EAF2: variants seen among roughly 807,000 people sequenced by gnomAD.
The protein encoded by EAF2 is ELL associated factor 2, also known as ELL-associated factor 2.
A neutral mutation model predicts 29.4 loss-of-function variants in EAF2; 29 were observed. The ratio of observed to expected loss-of-function variants is 0.99; its 90% CI spans 0.73 to 1.35. The LOEUF is 1.35. Among genes scored for constraint, EAF2 ranks in the 40% most tolerant of loss-of-function variants. The pLI is 0.00. For synonymous variants in EAF2, 103 were observed against 102.5 expected (o/e 1.00, Z -0.03); for missense variants, 292 against 312.0 (o/e 0.94, Z 0.48).
chr3:121,839,150 ATTG>A (rs1288680827), intron 1 of EAF2, among the ~76,000 whole-genome samples: 1 of 152,216 alleles, frequency 6.6e-6, no homozygotes, highest in Non-Finnish European at 1.5e-5. Context: ...GGTCCACACC[ATTG>A]TTGTTTTATC....
chr3:121,872,661 A>G lies in EAF2; in HGVS notation c.609A>G (p.Lys203=). The change falls in exon 5 of 6, where the codon AAA becomes AAG. Residue 203 remains lysine (K), a synonymous_variant. Coordinates refer to ENST00000273668, the MANE Select transcript of EAF2 (RefSeq NM_018456.6). ...GTGACTCAGAAGATGAAGATTGCAA[A>G]TCCTCTACTTCTGATACAGGGAATT... The part of the protein sequence containing the change: ...SSSDSEDEDC[K]SSTSDTGNCV... The G allele has an allele frequency of 6.2e-7, 1 of 1,613,000 alleles. No individual in the cohort carries two copies. Among genetic ancestry groups the G allele is most frequent in the East Asian group, 2.2e-5 (1 of 44,786 alleles).
chr3:121,886,199 T>G (rs1709280925), intron 5 of EAF2, 143 bp from the exon 6 acceptor site: 1 of 381,846 alleles, frequency 2.6e-6, no homozygotes, highest in African/African-American at 2.1e-5. Context: ...AGTTACTAAT[T>G]GTGTCACTGA....
rs575801937 is a variant in EAF2, at chr3:121,884,705, G to A, written c.737-1637G>A. On this transcript the variant is annotated intron_variant, in intron 5 of 5. Coordinates refer to ENST00000273668, the MANE Select transcript of EAF2 (RefSeq NM_018456.6). ...CTCCCGAAGTGCTGGGATTACAGGCGTGAGCCACCGCGTGCCCGACCTCGC... is the reference window on the plus strand; with the variant it reads ...CTCCCGAAGTGCTGGGATTACAGGCATGAGCCACCGCGTGCCCGACCTCGC... 7.3e-5 allele frequency among the ~76,000 whole-genome samples: 7 copies of A among 96,200 alleles called. No homozygotes were observed. In the South Asian group the frequency reaches 1.6e-3, roughly 22 times the overall value. The allele number at this position is 96,200 out of a possible 152,430, so 63.1% of individuals were successfully genotyped here.
At chr3:121,860,822 C>T (rs1036397028) in intron 4 of EAF2, among the ~76,000 whole-genome samples, 2 of 152,146 alleles carry the variant, frequency 1.3e-5, no homozygotes, top group African/African-American at 2.4e-5. Flanking sequence ...CTGTAAATTT[C>T]CCTCTACACA....
In EAF2 at chr3:121,854,763, A is replaced by G. The variant is rs372839868; in HGVS notation, c.278A>G (p.His93Arg). ...YLKECILIINHDTGECRLEKL... is the reference protein window; with the variant it reads ...YLKECILIINRDTGECRLEKL... ...AAAGAATGCATTTTGATTATTAACC[A>G]TGATACTGGAGAATGTCGGCTAGAA... Residue 93 changes from histidine (H) to arginine (R), a missense_variant, in exon 3 of 6, where the codon CAT (histidine) becomes CGT (arginine). By Grantham distance (29) the His-to-Arg change is conservative. Transcript: ENST00000273668. 3 of 1,574,574 alleles carry G rather than the reference A, an allele frequency of 1.9e-6. No individual in the cohort carries two copies. In the South Asian group the frequency reaches 3.7e-5, roughly 19 times the overall value.
intron 4 of EAF2, among the ~76,000 whole-genome samples, chr3:121,859,771 C>A (rs1293712164): frequency 2.0e-5 from 3 of 152,032 alleles, no homozygotes; most frequent in Non-Finnish European, 4.4e-5. Flanking sequence ...GGAATGCTTC[C>A]AGTTTTTGCC....
chr3:121,847,825 T>C (rs1708555570), intron 2 of EAF2, among the ~76,000 whole-genome samples: 1 of 152,158 alleles, frequency 6.6e-6, no homozygotes, highest in Admixed American at 6.5e-5. Context: ...GTCCTTTTAT[T>C]AGTTTTTAGG....
At chr3:121,844,759 T>A (rs1708494365) in intron 2 of EAF2, among the ~76,000 whole-genome samples, 1 of 152,228 alleles carries the variant, frequency 6.6e-6, no homozygotes, top group African/African-American at 2.4e-5. Flanking sequence ...AGCAAATGAT[T>A]TGAAAAAAAA....
chr3:121,885,360 G>A (rs1416423629), intron 5 of EAF2, among the ~76,000 whole-genome samples: 3 of 152,136 alleles, frequency 2.0e-5, no homozygotes, highest in Non-Finnish European at 4.4e-5. Context: ...GACTGCATTA[G>A]ACTTACAACT....
At chr3:121,837,118 CTT>C (rs755935127) in intron 1 of EAF2, among the ~76,000 whole-genome samples, 3 of 152,180 alleles carry the variant, frequency 2.0e-5, no homozygotes, top group Non-Finnish European at 4.4e-5. Context: ...TGAATACACA[CTT>C]AGTCCTGTGG....
In EAF2 at chr3:121,845,051, G is replaced by A. The variant is rs934163348; in HGVS notation, c.201+504G>A. On this transcript the variant is annotated intron_variant, in intron 2 of 5. Transcript: ENST00000273668. ...TAAGATTTTATTGGGTAGACAAGGA[G>A]TAGAATAAGCAAACAGAACAGTATG... Among the ~76,000 whole-genome samples, 4 of 150,042 alleles carry A rather than the reference G, an allele frequency of 2.7e-5. No homozygotes were observed. In the East Asian group the frequency reaches 7.8e-4, roughly 29 times the overall value.
At chr3:121,866,474 C>T (rs1040819800) in intron 4 of EAF2, among the ~76,000 whole-genome samples, 1 of 152,012 alleles carries the variant, frequency 6.6e-6, no homozygotes, top group Non-Finnish European at 1.5e-5. Context: ...ATCTGTAATC[C>T]CAGCACTTTG....
chr3:121,835,440 G>C, intron 1 of EAF2, 49 bp downstream of exon 1: 1 of 1,531,362 alleles, frequency 6.5e-7, no homozygotes, highest in Non-Finnish European at 9.0e-7. Context: ...CGGGATGGGG[G>C]TGAAGAGGCA....
intron 3 of EAF2, 124 bp downstream of exon 3, chr3:121,854,947 T>A: frequency 9.9e-7 from 1 of 1,014,774 alleles, no homozygotes; most frequent in Non-Finnish European, 1.4e-6. Flanking sequence ...AATGTTTTAA[T>A]CTTTTTCTAA....
At chr3:121,863,093 T>A (rs1708862200) in intron 4 of EAF2, among the ~76,000 whole-genome samples, 1 of 152,156 alleles carries the variant, frequency 6.6e-6, no homozygotes, top group African/African-American at 2.4e-5. Flanking sequence ...GTATGAGGTG[T>A]CAGTCAGCCC....
At chr3:121,836,456 A>T (rs1041635738) in intron 1 of EAF2, among the ~76,000 whole-genome samples, 1 of 152,234 alleles carries the variant, frequency 6.6e-6, no homozygotes, top group African/African-American at 2.4e-5. Flanking sequence ...CAATTTAGTT[A>T]TAGTTACTCA....
intron 2 of EAF2, 82 bp downstream of exon 2, chr3:121,844,629 T>C (rs1470408718): frequency 1.1e-6 from 1 of 918,446 alleles, no homozygotes. Flanking sequence ...ACAATTTGTG[T>C]AGTGATAATT....
At chr3:121,877,653 T>A (rs1001759046) in intron 5 of EAF2, among the ~76,000 whole-genome samples, 2 of 122,798 alleles carry the variant, frequency 1.6e-5, no homozygotes, top group African/African-American at 6.0e-5. Context: ...TAATTGAACA[T>A]TAAAAAATTG....
At position 121,886,421 on chromosome 3, in the gene EAF2, A is replaced by G. The variant is rs769834143; in HGVS notation, c.*33A>G. On this transcript the variant is annotated 3_prime_UTR_variant, in exon 6 of 6. Transcript: ENST00000273668. ...TTTAGCTATAAATAAAAATTTATAC[A>G]GCATGTATAATTTATTTTGTATTAA... The G allele has an allele frequency of 3.9e-6, 5 of 1,270,024 alleles. No homozygotes were observed. The highest frequency in any genetic ancestry group is 5.4e-5 in the East Asian group (2 of 36,726). 78.7% of individuals were successfully genotyped at this position (1,270,024 alleles called of 1,614,324 possible).
Sources: gnomAD v4.1 joint callset for allele counts (sites outside exome capture counted in the v4.1 genomes callset) on GRCh38, gnomAD v4.1.1 for gene constraint, MANE v1.5 for transcripts, NCBI Gene and HGNC (gene_info 2026-07-23, HGNC 2026-07-21) for gene names.